CTDSPL: variants seen among roughly 807,000 people sequenced by gnomAD.
CTDSPL encodes CTD small phosphatase like, also known as CTD small phosphatase-like protein.
In CTDSPL, 8 loss-of-function variants were observed where a neutral mutation model predicts 30.5. The ratio of observed to expected loss-of-function variants is 0.26; its 90% CI spans 0.15 to 0.47. The LOEUF (loss-of-function observed/expected upper bound fraction) is 0.47. CTDSPL is among the 20% of genes least tolerant of loss of function. The pLI is 0.99. For synonymous variants in CTDSPL, 110 were observed against 137.9 expected (o/e 0.80, Z 1.42); for missense variants, 248 against 366.1 (o/e 0.68, Z 2.63).
chr3:37,940,224 T>C (rs1225987247), intron 1 of CTDSPL, among the ~76,000 whole-genome samples: 1 of 150,636 alleles, frequency 6.6e-6, no homozygotes, highest in African/African-American at 2.4e-5. Flanking sequence ...GAAGTACATA[T>C]TCAAATGTCT....
intron 1 of CTDSPL, among the ~76,000 whole-genome samples, chr3:37,876,196 A>G (rs1197912596): frequency 6.6e-6 from 1 of 152,154 alleles, no homozygotes. Flanking sequence ...GTGAGCCATC[A>G]TTGCACAACT....
intron 1 of CTDSPL, among the ~76,000 whole-genome samples, chr3:37,895,227 C>T (rs904553663): frequency 2.0e-5 from 3 of 152,038 alleles, no homozygotes; most frequent in African/African-American, 7.2e-5. Context: ...TTGTTTTTTG[C>T]CATTGCCAAC....
At chr3:37,961,757 G>A (rs1345359249) in intron 3 of CTDSPL, among the ~76,000 whole-genome samples, 2 of 152,182 alleles carry the variant, frequency 1.3e-5, no homozygotes, top group Non-Finnish European at 2.9e-5. Context: ...GGAGCACAGC[G>A]TGCAGACCTT....
chr3:37,968,525 G>T, intron 5 of CTDSPL: 1 of 232,092 alleles, frequency 4.3e-6, no homozygotes, highest in Non-Finnish European at 8.8e-6. Context: ...GAATGTTGTA[G>T]GAAAACTAGC....
intron 1 of CTDSPL, among the ~76,000 whole-genome samples, chr3:37,946,320 G>T (rs905984296): frequency 1.4e-4 from 21 of 152,226 alleles, no homozygotes; most frequent in African/African-American, 4.8e-4. Flanking sequence ...TTCAGAGCAG[G>T]CCAGGGCACA....
chr3:37,947,198 G>T lies in CTDSPL; in HGVS notation c.221G>T (p.Gly74Val), dbSNP rs758006690. The T allele has an allele frequency of 1.2e-6, 2 of 1,611,902 alleles. No homozygotes were observed. The highest frequency in any genetic ancestry group is 1.7e-6 in the Non-Finnish European group (2 of 1,179,828). ...SVLPPLVEEN[G>V]GLQKGDQRQV... The stretch of plus-strand genomic sequence containing the variant: ...CTTCCGCCACTGGTGGAGGAGAATG[G>T]TGGGCTTCAGAAGGTCAGTACTGGT... Residue 74 changes from glycine to valine, a missense_variant, in exon 2 of 8, where the codon GGT becomes GTT. Transcript: ENST00000273179.
In CTDSPL at chr3:37,980,629, C is replaced by T. The variant is rs1046163735; in HGVS notation, c.706-113C>T. 5.2e-6 allele frequency: 7 copies of T among 1,342,910 alleles called. No homozygotes were observed. In the East Asian group the frequency reaches 1.0e-4, roughly 19 times the overall value. The allele number at this position is 1,342,910 out of a possible 1,614,324, so 83.2% of individuals were successfully genotyped here. ...AAAATCATGATGATAACGATGATGA[C>T]ACCAGTCGTCCTTACTAAAGAAAGT... On this transcript the variant is annotated intron_variant, in intron 7 of 7. Transcript: ENST00000273179.
At chr3:37,906,154 T>C (rs529026627) in intron 1 of CTDSPL, among the ~76,000 whole-genome samples, 26 of 152,328 alleles carry the variant, frequency 1.7e-4, no homozygotes, top group African/African-American at 5.1e-4. Context: ...ATGAATGGGC[T>C]TCTTTGCTTC....
At chr3:37,876,274 A>G (rs1013824502) in intron 1 of CTDSPL, among the ~76,000 whole-genome samples, 2 of 152,158 alleles carry the variant, frequency 1.3e-5, no homozygotes, top group Admixed American at 1.3e-4. Flanking sequence ...AAATTTGCAT[A>G]CTGTAAAAAT....
intron 3 of CTDSPL, among the ~76,000 whole-genome samples, chr3:37,957,620 C>G (rs1221565269): frequency 6.6e-6 from 1 of 152,226 alleles, no homozygotes; most frequent in Non-Finnish European, 1.5e-5. Context: ...ATGGCTGTAG[C>G]TCCGAGATCA....
chr3:37,972,951 C>T (rs886903195), intron 6 of CTDSPL, among the ~76,000 whole-genome samples: 1 of 152,198 alleles, frequency 6.6e-6, no homozygotes, highest in African/African-American at 2.4e-5. Flanking sequence ...TGGACGGTGC[C>T]CTGATGCCCA....
intron 1 of CTDSPL, among the ~76,000 whole-genome samples, chr3:37,923,959 A>T (rs192729255): frequency 3.4e-4 from 52 of 152,344 alleles, no homozygotes; most frequent in African/African-American, 1.1e-3. Context: ...GTGAGTATGC[A>T]TGAGAGCTGA....
intron 1 of CTDSPL, among the ~76,000 whole-genome samples, chr3:37,908,721 T>C (rs772184121): frequency 5.3e-5 from 8 of 152,246 alleles, no homozygotes; most frequent in East Asian, 1.9e-4. Context: ...ACTAAATTGC[T>C]TTCCAGAAGG....
chr3:37,882,446 A>AC, intron 1 of CTDSPL, among the ~76,000 whole-genome samples: 1 of 151,070 alleles, frequency 6.6e-6, no homozygotes, highest in South Asian at 2.1e-4. Context: ...TAACTCAAAA[A>AC]AAAAAAAAAA....
At chr3:37,874,643 T>C (rs539406757) in intron 1 of CTDSPL, among the ~76,000 whole-genome samples, 1 of 152,200 alleles carries the variant, frequency 6.6e-6, no homozygotes, top group South Asian at 2.1e-4. Flanking sequence ...GGCAGGAGAA[T>C]TGCTTGAATC....
At position 37,964,032 on chromosome 3, in the gene CTDSPL, T is replaced by TAAAAA. The variant is rs58061973; in HGVS notation, c.268-506_268-502dup. ...CAAGTTTTTTAAAAATCTCAGTCAC[T>TAAAAA]AAAAAAAAAAAAAAAAAAAAAAAAA... On this transcript the variant is annotated intron_variant, in intron 3 of 7. Coordinates refer to ENST00000273179, the MANE Select transcript of CTDSPL (RefSeq NM_001008392.2). Among the ~76,000 whole-genome samples, 19 of 22,990 alleles carry TAAAAA rather than the reference T, an allele frequency of 8.3e-4. 5 individuals carry two copies. The highest frequency in any genetic ancestry group is 1.5e-3 in the Admixed American group (2 of 1,330). 15.1% of individuals were successfully genotyped at this position (22,990 alleles called of 152,430 possible).
chr3:37,977,945 A>G (rs1017118251), intron 7 of CTDSPL, among the ~76,000 whole-genome samples: 9 of 152,210 alleles, frequency 5.9e-5, no homozygotes, highest in Non-Finnish European at 4.4e-5. Context: ...TACGCTTATG[A>G]AGATATCATA....
intron 1 of CTDSPL, among the ~76,000 whole-genome samples, chr3:37,874,786 A>T (rs1698117386): frequency 6.6e-6 from 1 of 152,090 alleles, no homozygotes; most frequent in Admixed American, 6.6e-5. Context: ...GCACACACAC[A>T]AGTTTCTTCA....
rs982794530 is a variant in CTDSPL, at chr3:37,937,176, AC to A, written c.80-9880del. Among the ~76,000 whole-genome samples, 4 of 150,220 alleles carry A rather than the reference AC, an allele frequency of 2.7e-5. 1 individual carries two copies. Among genetic ancestry groups the A allele is most frequent in the Non-Finnish European group, 6.0e-5 (4 of 67,004 alleles). ...TAGGATGGGAGTCAGTGGATAGAAAACTGCTAAGAAGAAACATCAGAGGTAG... is the reference window on the plus strand; with the variant it reads ...TAGGATGGGAGTCAGTGGATAGAAAATGCTAAGAAGAAACATCAGAGGTAG... On this transcript the variant is annotated intron_variant, in intron 1 of 7. Transcript: ENST00000273179.
Sources: gnomAD v4.1 joint callset for allele counts (sites outside exome capture counted in the v4.1 genomes callset) on GRCh38, gnomAD v4.1.1 for gene constraint, MANE v1.5 for transcripts, NCBI Gene and HGNC (gene_info 2026-07-23, HGNC 2026-07-21) for gene names.